Variants in AGAP1 observed in about 807,000 individuals in gnomAD.
AGAP1 encodes the protein ArfGAP with GTPase domain, ankyrin repeat and PH domain 1.
AGAP1 carries 29 observed loss-of-function variants against 105.3 expected under a neutral mutation model. That is an observed-to-expected ratio of 0.28 (90% confidence interval 0.21 to 0.38). AGAP1 has a LOEUF of 0.38. Among genes scored for constraint, AGAP1 ranks in the 10% least tolerant of loss-of-function variants. AGAP1 has a pLI of 1.00. For missense variants in AGAP1, 998 were observed against 1,165.1 expected, an observed-to-expected ratio of 0.86 and a Z score of 2.09; for synonymous variants, 509 against 485.9, an observed-to-expected ratio of 1.05 and a Z score of -0.63.
At chr2:235,852,873 G>T (rs539949674) in intron 9 of AGAP1, 2 of 1,383,802 alleles carry the variant, frequency 1.4e-6, no homozygotes, top group African/African-American at 2.9e-5. Context: ...TTAACATAGA[G>T]GTGAACTCCA....
At chr2:236,069,409 A>G (rs2058438790) in intron 16 of AGAP1, among the ~76,000 whole-genome samples, 1 of 152,144 alleles carries the variant, frequency 6.6e-6, no homozygotes, top group Non-Finnish European at 1.5e-5. Flanking sequence ...AGCATAGCAC[A>G]TGATATAAAC....
At position 236,082,778 on chromosome 2, in the gene AGAP1, G is replaced by A. The variant is rs2058820025; in HGVS notation, c.2114+33497G>A. Among the ~76,000 whole-genome samples the A allele has an allele frequency of 6.6e-6, 1 of 152,222 alleles. No homozygotes were observed. The highest frequency in any genetic ancestry group is 2.4e-5 in the African/African-American group (1 of 41,460). On this transcript the variant is annotated intron_variant, in intron 16 of 17. Transcript: ENST00000304032. This position sits in a 1 kb window ranked among gnomAD's most constrained non-coding sequence, Gnocchi z 4.2. ...GATCCCAGCTACTTGGGAGGCTGAG[G>A]CAGGAGAATTGCTTGAAACCTGGAG...
In AGAP1 at chr2:235,531,217, G is replaced by C. The variant is rs1574779529; in HGVS notation, c.163+36368G>C. Among the ~76,000 whole-genome samples, 4 of 152,072 alleles carry C rather than the reference G, an allele frequency of 2.6e-5. No individual in the cohort carries two copies. The South Asian group carries it at 8.3e-4, about 32-fold the overall frequency. Reference sequence around the variant, plus strand: ...TTCATTGGCTGGAGCTCTCCTTTTTGCTGGGAGGCAGTGCTTCATCTTGCA... The same window carrying C: ...TTCATTGGCTGGAGCTCTCCTTTTTCCTGGGAGGCAGTGCTTCATCTTGCA... On this transcript the variant is annotated intron_variant, in intron 1 of 17. Transcript: ENST00000304032.
chr2:235,672,128 C>G (rs1268680546), intron 1 of AGAP1, among the ~76,000 whole-genome samples: 1 of 152,128 alleles, frequency 6.6e-6, no homozygotes, highest in Non-Finnish European at 1.5e-5. Context: ...GGAGAGTGGG[C>G]TTTTGATTTG....
chr2:235,695,934 C>T (rs969902120), intron 1 of AGAP1, among the ~76,000 whole-genome samples: 1 of 152,150 alleles, frequency 6.6e-6, no homozygotes, highest in African/African-American at 2.4e-5. Context: ...TTGGGTGCAC[C>T]AGCGGAAGGT....
Position 235,659,282 on chromosome 2 carries a change from A to T in AGAP1, c.164-49897A>T, listed in dbSNP as rs2149336416. 6.6e-6 allele frequency among the ~76,000 whole-genome samples: 1 copy of T among 152,252 alleles called. No individual in the cohort carries two copies. Among genetic ancestry groups the T allele is most frequent in the South Asian group, 2.1e-4 (1 of 4,818 alleles). Reference sequence around the variant, plus strand: ...GTCTTTCTATGTCTGTAAAATCGGGATAATAATAGTACCTACCTCTCTGTG... The same window carrying T: ...GTCTTTCTATGTCTGTAAAATCGGGTTAATAATAGTACCTACCTCTCTGTG... On this transcript the variant is annotated intron_variant, in intron 1 of 17. Transcript: ENST00000304032. This position sits in a 1 kb window ranked among gnomAD's most constrained non-coding sequence, Gnocchi z 5.0.
At chr2:235,532,876 C>T (rs896259122) in intron 1 of AGAP1, among the ~76,000 whole-genome samples, 1 of 152,164 alleles carries the variant, frequency 6.6e-6, no homozygotes, top group Non-Finnish European at 1.5e-5. Context: ...CTGTGAACAG[C>T]CGTGGGCTAC....
intron 2 of AGAP1, among the ~76,000 whole-genome samples, chr2:235,710,169 C>T (rs547000120): frequency 7.2e-5 from 11 of 152,284 alleles, no homozygotes; most frequent in Admixed American, 4.6e-4. Flanking sequence ...AGATCCCCTG[C>T]GGCCCGTGGA....
chr2:236,025,802 T>TGAGGCAGGAGAATCACTTGAACCCC (rs2057030802), intron 13 of AGAP1, among the ~76,000 whole-genome samples: 1 of 151,630 alleles, frequency 6.6e-6, no homozygotes, highest in South Asian at 2.1e-4. Flanking sequence ...CTCAGGAGGC[T>TGAGGCAGGAGAATCACTTGAACCCC]GAGGCAGGAG....
At chr2:235,768,211 A>G (rs1294305522) in intron 6 of AGAP1, among the ~76,000 whole-genome samples, 1 of 152,164 alleles carries the variant, frequency 6.6e-6, no homozygotes, top group African/African-American at 2.4e-5. Flanking sequence ...TTCTCTCACT[A>G]CACAAGGTTC....
chr2:236,123,802 G>A lies in AGAP1; in HGVS notation c.2371-117G>A. The A allele has an allele frequency of 4.7e-6, 6 of 1,284,310 alleles. No homozygotes were observed. Among genetic ancestry groups the A allele is most frequent in the Non-Finnish European group, 6.5e-6 (6 of 918,902 alleles). 79.6% of individuals were successfully genotyped at this position (1,284,310 alleles called of 1,614,324 possible). ...TGGTCCTGGCACCCCAGCCAGTTGT[G>A]TAGCTGGCCCCGCTGTCCAAGCACA... On this transcript the variant is annotated intron_variant, in intron 17 of 17. Transcript: ENST00000304032. This position sits in a 1 kb window ranked among gnomAD's most constrained non-coding sequence, Gnocchi z 4.6.
intron 13 of AGAP1, among the ~76,000 whole-genome samples, chr2:235,974,128 C>G (rs2054765075): frequency 6.6e-6 from 1 of 152,178 alleles, no homozygotes; most frequent in Non-Finnish European, 1.5e-5. Flanking sequence ...TTCCCTGTTT[C>G]CCCAGTGAAA....
At chr2:235,715,891 G>C (rs1305585553) in intron 2 of AGAP1, among the ~76,000 whole-genome samples, 1 of 152,148 alleles carries the variant, frequency 6.6e-6, no homozygotes, top group Non-Finnish European at 1.5e-5. Flanking sequence ...GTGTGATGTG[G>C]CCTCAGAAGC....
intron 1 of AGAP1, among the ~76,000 whole-genome samples, chr2:235,495,999 C>A (rs549588073): frequency 6.6e-6 from 1 of 152,218 alleles, no homozygotes; most frequent in African/African-American, 2.4e-5. Context: ...CGTTGCCCAG[C>A]CTCCTCCCTC....
chr2:235,953,425 T>C lies in AGAP1; in HGVS notation c.1484-15037T>C, dbSNP rs1428752126. 6.6e-6 allele frequency among the ~76,000 whole-genome samples: 1 copy of C among 152,232 alleles called. No homozygotes were observed. The highest frequency in any genetic ancestry group is 1.5e-5 in the Non-Finnish European group (1 of 68,046). ...ATGTTCAGACTGCAAGGATATTTCATACAGATTTGTTAGCTGGTATTTAAA... is the reference window on the plus strand; with the variant it reads ...ATGTTCAGACTGCAAGGATATTTCACACAGATTTGTTAGCTGGTATTTAAA... On this transcript the variant is annotated intron_variant, in intron 12 of 17. Coordinates refer to ENST00000304032, the MANE Select transcript of AGAP1 (RefSeq NM_001037131.3). The surrounding 1 kb of genome is among the most constrained non-coding windows in gnomAD (Gnocchi z 5.2).
chr2:236,040,464 C>T lies in AGAP1; in HGVS notation c.1801-287C>T, dbSNP rs948140287. ...CTTCTCCAGGTTACCATGGTCCATGCGTATTCACAGATGATCCAGAACTCT... is the reference window on the plus strand; with the variant it reads ...CTTCTCCAGGTTACCATGGTCCATGTGTATTCACAGATGATCCAGAACTCT... On this transcript the variant is annotated intron_variant, in intron 14 of 17. Transcript: ENST00000304032. The surrounding 1 kb of genome is among the most constrained non-coding windows in gnomAD (Gnocchi z 5.6). 4.6e-5 allele frequency: 23 copies of T among 497,728 alleles called. No homozygotes were observed. The highest frequency in any genetic ancestry group is 9.6e-5 in the African/African-American group (5 of 51,846). 30.8% of individuals were successfully genotyped at this position (497,728 alleles called of 1,614,324 possible). A position where few individuals can be genotyped will look rare whatever the true frequency, so the allele number is the denominator to read the frequency against.
intron 1 of AGAP1, among the ~76,000 whole-genome samples, chr2:235,629,101 T>C (rs1389856065): frequency 6.6e-6 from 1 of 152,162 alleles, no homozygotes; most frequent in Admixed American, 6.6e-5. Flanking sequence ...TGAGCCATTG[T>C]ATCATTCTTA....
In AGAP1 at chr2:235,904,977, T is replaced by A. The variant is rs115000959; in HGVS notation, c.1156-3761T>A. Among the ~76,000 whole-genome samples, 2,073 of 150,338 alleles carry A rather than the reference T, an allele frequency of 0.014. 19 individuals carry two copies. Among genetic ancestry groups the A allele is most frequent in the African/African-American group, 0.021 (834 of 39,736 alleles). On this transcript the variant is annotated intron_variant, in intron 10 of 17. Transcript: ENST00000304032. The surrounding 1 kb of genome is among the most constrained non-coding windows in gnomAD (Gnocchi z 4.2). The stretch of plus-strand genomic sequence containing the variant: ...TTTTAAATACCGATTTTATTTATTT[T>A]TTTTTTTTAGAGCTAGTTCTTCTGA...
Position 235,929,963 on chromosome 2 carries a change from C to T in AGAP1, c.1325-802C>T, listed in dbSNP as rs147688171. Among the ~76,000 whole-genome samples the T allele has an allele frequency of 5.5e-3, 836 of 152,234 alleles. 10 individuals are homozygous for T. The highest frequency in any genetic ancestry group is 0.018 in the African/African-American group (755 of 41,532). On this transcript the variant is annotated intron_variant, in intron 11 of 17. Transcript: ENST00000304032. ...ATTTTTTTTAAAAAAGCCCCAGTAC[C>T]TCCGAAGATCTGCAAATAGACCTAA...
Sources: allele counts gnomAD v4.1 joint callset (sites outside exome capture counted in the v4.1 genomes callset), GRCh38; gene constraint gnomAD v4.1.1; non-coding constraint Gnocchi (gnomAD v3.1); transcripts MANE v1.5; gene names NCBI Gene and HGNC (gene_info 2026-07-23, HGNC 2026-07-21).